Variants in KCNC2 observed in about 807,000 individuals in gnomAD.
KCNC2 encodes the protein voltage-gated potassium channel KCNC2.
KCNC2 carries 21 observed loss-of-function variants against 44.5 expected under a neutral mutation model. The ratio of observed to expected loss-of-function variants is 0.47; its 90% CI spans 0.33 to 0.68. KCNC2 has a LOEUF of 0.68. KCNC2 is among the 30% of genes least tolerant of loss of function. KCNC2 has a pLI of 0.01. For synonymous variants in KCNC2, 391 were observed against 339.1 expected, an observed-to-expected ratio of 1.15 and a Z score of -1.68; for missense variants, 589 against 826.2, an observed-to-expected ratio of 0.71 and a Z score of 3.52.
At chr12:75,142,880 A>C (rs1889753626) in intron 2 of KCNC2, among the ~76,000 whole-genome samples, 1 of 152,232 alleles carries the variant, frequency 6.6e-6, no homozygotes, top group South Asian at 2.1e-4. Context: ...TGATATCCAA[A>C]GCAAGGGAAC....
intron 2 of KCNC2, among the ~76,000 whole-genome samples, chr12:75,168,957 T>C (rs540639744): frequency 4.0e-5 from 6 of 151,646 alleles, no homozygotes; most frequent in Admixed American, 3.3e-4. Context: ...CAAATGATAA[T>C]ACTAAGAGAA....
chr12:75,102,815 C>G (rs975047500), intron 2 of KCNC2, among the ~76,000 whole-genome samples: 9 of 151,970 alleles, frequency 5.9e-5, no homozygotes, highest in African/African-American at 2.2e-4. Context: ...CATCTCCCCC[C>G]CACCCACACG....
intron 2 of KCNC2, among the ~76,000 whole-genome samples, chr12:75,071,085 C>G (rs1565827850): frequency 6.6e-6 from 1 of 152,038 alleles, no homozygotes; most frequent in African/African-American, 2.4e-5. Flanking sequence ...CATATCTTCA[C>G]CATTTGCTAT....
intron 2 of KCNC2, among the ~76,000 whole-genome samples, chr12:75,067,892 C>A (rs555020627): frequency 2.0e-5 from 3 of 151,872 alleles, no homozygotes; most frequent in Non-Finnish European, 4.4e-5. Flanking sequence ...AAAAAACATA[C>A]TTTTTTTATG....
intron 2 of KCNC2, among the ~76,000 whole-genome samples, chr12:75,053,686 A>C (rs1003766660): frequency 1.3e-5 from 2 of 150,146 alleles, no homozygotes; most frequent in African/African-American, 4.9e-5. Flanking sequence ...TTAATACCAA[A>C]GTTGATTCCA....
intron 2 of KCNC2, among the ~76,000 whole-genome samples, chr12:75,100,219 T>C (rs905609528): frequency 2.6e-5 from 4 of 152,116 alleles, no homozygotes; most frequent in African/African-American, 7.2e-5. Flanking sequence ...GTTCTTCTTA[T>C]TGTGTATTTT....
intron 2 of KCNC2, among the ~76,000 whole-genome samples, chr12:75,081,878 T>C (rs554793748): frequency 5.3e-5 from 8 of 152,060 alleles, no homozygotes; most frequent in Non-Finnish European, 1.0e-4. Flanking sequence ...ACACCTAAAC[T>C]GTACCAAATC....
At chr12:75,118,648 C>T (rs1887842315) in intron 2 of KCNC2, among the ~76,000 whole-genome samples, 1 of 152,052 alleles carries the variant, frequency 6.6e-6, no homozygotes, top group Non-Finnish European at 1.5e-5. Flanking sequence ...CATTAGAGGT[C>T]ATGGTAAAGA....
chr12:75,116,466 A>G (rs1264098808), intron 2 of KCNC2, among the ~76,000 whole-genome samples: 3 of 152,222 alleles, frequency 2.0e-5, no homozygotes, highest in Non-Finnish European at 4.4e-5. Flanking sequence ...TCTCCTTCCA[A>G]TTCACATAAC....
chr12:75,054,890 T>C (rs146645188), intron 2 of KCNC2, among the ~76,000 whole-genome samples: 1 of 152,258 alleles, frequency 6.6e-6, no homozygotes, highest in East Asian at 1.9e-4. Flanking sequence ...GGCAAACACT[T>C]GGGTTGCATT....
At chr12:75,100,180 A>G (rs1345959184) in intron 2 of KCNC2, among the ~76,000 whole-genome samples, 2 of 152,070 alleles carry the variant, frequency 1.3e-5, no homozygotes, top group African/African-American at 4.8e-5. Flanking sequence ...CGAGTTCTAT[A>G]GTCTTTTTCA....
intron 2 of KCNC2, among the ~76,000 whole-genome samples, chr12:75,098,951 T>C (rs1018749966): frequency 6.6e-6 from 1 of 152,042 alleles, no homozygotes; most frequent in African/African-American, 2.4e-5. Context: ...AAGGTTCTGT[T>C]CTCCATGCCC....
At chr12:75,049,176 G>A (rs937319088) in intron 3 of KCNC2, among the ~76,000 whole-genome samples, 1 of 152,080 alleles carries the variant, frequency 6.6e-6, no homozygotes, top group African/African-American at 2.4e-5. Flanking sequence ...GACTGTGAAT[G>A]AAACTTACAA....
chr12:75,104,401 A>G (rs1239667138), intron 2 of KCNC2, among the ~76,000 whole-genome samples: 7 of 152,128 alleles, frequency 4.6e-5, no homozygotes, highest in Non-Finnish European at 7.4e-5. Flanking sequence ...TCAATTTAAT[A>G]TTTTCAGGCC....
chr12:75,084,254 T>A (rs1415847789), intron 2 of KCNC2, among the ~76,000 whole-genome samples: 1 of 138,346 alleles, frequency 7.2e-6, no homozygotes, highest in East Asian at 2.1e-4. Flanking sequence ...TAGATGATGA[T>A]GATAGATAGA....
Position 75,087,484 on chromosome 12 carries a change from C to T in KCNC2, c.688-36167G>A, listed in dbSNP as rs555855235. Reference sequence around the variant, plus strand: ...CTTGGCCATTTCAGCAATGTTTAAACCTCTAATAATCTTGTAAAGACAGGA... The same window carrying T: ...CTTGGCCATTTCAGCAATGTTTAAATCTCTAATAATCTTGTAAAGACAGGA... On this transcript the variant is annotated intron_variant, in intron 2 of 4. Transcript: ENST00000549446. Among the ~76,000 whole-genome samples the T allele has an allele frequency of 9.9e-5, 15 of 152,146 alleles. No homozygotes were observed. The South Asian group carries it at 2.9e-3, about 29-fold the overall frequency.
At chr12:75,117,666 A>T (rs980286124) in intron 2 of KCNC2, among the ~76,000 whole-genome samples, 1 of 152,162 alleles carries the variant, frequency 6.6e-6, no homozygotes, top group Admixed American at 6.5e-5. Context: ...AGAGGGCAAT[A>T]GTTAAAGTTT....
At position 75,041,183 on chromosome 12, in the gene KCNC2, A is replaced by C. The variant is rs1159812453; in HGVS notation, c.*1922T>G. 6.3e-7 allele frequency: 1 copy of C among 1,596,198 alleles called. No homozygotes were observed. Among genetic ancestry groups the C allele is most frequent in the East Asian group, 2.2e-5 (1 of 44,798 alleles). ...ACTGTCCCTTTCTCAGCAGTCAATAATCCATGATAAATTCTGTACAACACT... is the reference window on the plus strand; with the variant it reads ...ACTGTCCCTTTCTCAGCAGTCAATACTCCATGATAAATTCTGTACAACACT... On this transcript the variant is annotated 3_prime_UTR_variant, in exon 5 of 5. Coordinates refer to ENST00000549446, the MANE Select transcript of KCNC2 (RefSeq NM_139137.4).
At chr12:75,061,059 T>C (rs1882269602) in intron 2 of KCNC2, among the ~76,000 whole-genome samples, 1 of 152,146 alleles carries the variant, frequency 6.6e-6, no homozygotes, top group South Asian at 2.1e-4. Context: ...CTCATTTCTG[T>C]AATATTTGAT....
Sources: allele counts gnomAD v4.1 joint callset (sites outside exome capture counted in the v4.1 genomes callset), GRCh38; gene constraint gnomAD v4.1.1; transcripts MANE v1.5; gene names NCBI Gene and HGNC (gene_info 2026-07-23, HGNC 2026-07-21).